XRCC4: variants seen among roughly 807,000 people sequenced by gnomAD.
The protein encoded by XRCC4 is X-ray repair cross complementing 4.
In XRCC4, 28 loss-of-function variants were observed where a neutral mutation model predicts 39.1. That is an observed-to-expected ratio of 0.72 (90% CI 0.53 to 0.98). The LOEUF (loss-of-function observed/expected upper bound fraction) is 0.98. Ranked by LOEUF, XRCC4 falls within the 50% of genes least tolerant of loss-of-function variation. The pLI is 0.00. For missense variants in XRCC4, 350 were observed against 376.4 expected (o/e 0.93, Z 0.58); for synonymous variants, 123 against 126.4 (o/e 0.97, Z 0.18).
At chr5:83,158,578 A>G (rs1749064426) in intron 3 of XRCC4, among the ~76,000 whole-genome samples, 1 of 152,108 alleles carries the variant, frequency 6.6e-6, no homozygotes, top group Admixed American at 6.6e-5. Flanking sequence ...ACAAAAGAGG[A>G]AAGTGAGGAG....
At chr5:83,132,660 C>T (rs1747659585) in intron 3 of XRCC4, among the ~76,000 whole-genome samples, 1 of 152,026 alleles carries the variant, frequency 6.6e-6, no homozygotes. Context: ...CCCTTTCTTC[C>T]ACTTGATTGA....
At chr5:83,363,274 G>T in the XRCC4 span, among the ~76,000 whole-genome samples, 1 of 152,186 alleles carries the variant, frequency 6.6e-6, no homozygotes, top group Non-Finnish European at 1.5e-5. Flanking sequence ...CAGAGGAAGA[G>T]AGTGTGGCCT....
chr5:83,214,848 AT>A (rs56187619), intron 6 of XRCC4, among the ~76,000 whole-genome samples: 62,435 of 133,918 alleles, frequency 0.47, 14,056 homozygotes, highest in East Asian at 0.6. Flanking sequence ...AAAAAAAAAA[AT>A]AATAATAATA....
chr5:83,249,328 A>G (rs527709483), intron 6 of XRCC4, among the ~76,000 whole-genome samples: 75 of 152,116 alleles, frequency 4.9e-4, no homozygotes, highest in Admixed American at 1.3e-4. Flanking sequence ...GTGTTGCCTA[A>G]TCCCATTCGG....
rs1438817507 is a variant in XRCC4 at position 83,349,786 on chromosome 5, A to G, written c.894-3345A>G. On this transcript the variant is annotated intron_variant, in intron 7 of 7. Coordinates refer to ENST00000396027, the MANE Select transcript of XRCC4 (RefSeq NM_003401.5). The stretch of plus-strand genomic sequence containing the variant: ...TATGATTTCAGCTTTTATTTTAGAT[A>G]CAGGGGGTACATGTGCGGGTTTGTT... Among the ~76,000 whole-genome samples the G allele has an allele frequency of 7.9e-5, 12 of 152,242 alleles. No homozygotes were observed. In the South Asian group the frequency reaches 1.9e-3, roughly 24 times the overall value.
chr5:83,337,634 T>C (rs545577778), intron 7 of XRCC4, among the ~76,000 whole-genome samples: 4 of 152,272 alleles, frequency 2.6e-5, no homozygotes, highest in African/African-American at 9.6e-5. Flanking sequence ...TGTTCTCAGC[T>C]AAGACACTAA....
intron 3 of XRCC4, among the ~76,000 whole-genome samples, chr5:83,195,133 A>G (rs148773942): frequency 2.2e-3 from 342 of 152,228 alleles, no homozygotes; most frequent in African/African-American, 7.7e-3. Context: ...TACTAAAACT[A>G]TTTGAGTATT....
At chr5:83,318,320 C>T (rs1261925681) in intron 7 of XRCC4, among the ~76,000 whole-genome samples, 1 of 131,052 alleles carries the variant, frequency 7.6e-6, no homozygotes, top group Non-Finnish European at 1.5e-5. Context: ...TCTCTCACCA[C>T]TCCTATTCAA....
In XRCC4 at chr5:83,179,703, A is replaced by G. The variant is rs182580170; in HGVS notation, c.316-16067A>G. The stretch of plus-strand genomic sequence containing the variant: ...GAGAACTGGATAGGCTCAACCCATC[A>G]TAAATTGTTTCTTCTACAGTCAGAT... On this transcript the variant is annotated intron_variant, in intron 3 of 7. Coordinates refer to ENST00000396027, the MANE Select transcript of XRCC4 (RefSeq NM_003401.5). Among the ~76,000 whole-genome samples, 72 of 152,280 alleles carry G rather than the reference A, an allele frequency of 4.7e-4. No individual in the cohort carries two copies. In the East Asian group the frequency reaches 0.013, roughly 29 times the overall value.
intron 3 of XRCC4, among the ~76,000 whole-genome samples, chr5:83,190,339 G>A (rs927945229): frequency 6.6e-6 from 1 of 151,950 alleles, no homozygotes; most frequent in Non-Finnish European, 1.5e-5. Context: ...ACAATATTCT[G>A]CATTATAAAC....
chr5:83,125,832 A>C (rs1378292754), intron 3 of XRCC4, among the ~76,000 whole-genome samples: 1 of 152,154 alleles, frequency 6.6e-6, no homozygotes, highest in Non-Finnish European at 1.5e-5. Context: ...AATACTAAAA[A>C]ATTAGCCAGG....
chr5:83,208,253 A>G (rs1751494640), intron 6 of XRCC4, among the ~76,000 whole-genome samples: 1 of 152,058 alleles, frequency 6.6e-6, no homozygotes. Context: ...CACAATAGGC[A>G]TACAATCATA....
At position 83,273,498 on chromosome 5, in the gene XRCC4, T is replaced by C. The variant is rs562765832; in HGVS notation, c.893+14821T>C. Reference sequence around the variant, plus strand: ...GTTTTAGTCATGAAGTCTTTGCCTATGTCCTGAATGGTATTGCCTAGGTTT... The same window carrying C: ...GTTTTAGTCATGAAGTCTTTGCCTACGTCCTGAATGGTATTGCCTAGGTTT... On this transcript the variant is annotated intron_variant, in intron 7 of 7. Coordinates refer to ENST00000396027, the MANE Select transcript of XRCC4 (RefSeq NM_003401.5). 2.4e-4 allele frequency among the ~76,000 whole-genome samples: 36 copies of C among 152,346 alleles called. No homozygotes were observed. The East Asian group carries it at 6.7e-3, about 29-fold the overall frequency.
At chr5:83,092,511 A>G (rs1457527455) in intron 1 of XRCC4, among the ~76,000 whole-genome samples, 3 of 152,150 alleles carry the variant, frequency 2.0e-5, no homozygotes, top group African/African-American at 4.8e-5. Flanking sequence ...TAGGATGGTA[A>G]TGGTGGTGTG....
intron 3 of XRCC4, among the ~76,000 whole-genome samples, chr5:83,138,283 T>C (rs1156639269): frequency 1.3e-5 from 2 of 152,176 alleles, no homozygotes; most frequent in Non-Finnish European, 2.9e-5. Context: ...TGAAGTGCAC[T>C]ATAAATAACA....
intron 3 of XRCC4, among the ~76,000 whole-genome samples, chr5:83,131,499 T>C (rs1030972474): frequency 1.3e-5 from 2 of 152,156 alleles, no homozygotes; most frequent in Non-Finnish European, 2.9e-5. Context: ...CACATCCTTA[T>C]TGTGTGGGAA....
intron 7 of XRCC4, among the ~76,000 whole-genome samples, chr5:83,300,721 C>G (rs765593841): frequency 6.6e-6 from 1 of 151,790 alleles, no homozygotes; most frequent in Non-Finnish European, 1.5e-5. Context: ...CTAATGCTAT[C>G]CCTCCTCTTG....
chr5:83,308,156 T>C (rs1465364948), intron 7 of XRCC4, among the ~76,000 whole-genome samples: 4 of 152,218 alleles, frequency 2.6e-5, no homozygotes, highest in Admixed American at 6.5e-5. Context: ...TTAGAAGATA[T>C]CTACAATATT....
chr5:83,160,297 C>T (rs1749144707), intron 3 of XRCC4, among the ~76,000 whole-genome samples: 1 of 152,084 alleles, frequency 6.6e-6, no homozygotes, highest in African/African-American at 2.4e-5. Flanking sequence ...GTCACCTATG[C>T]ATATGAGTGT....
Sources: allele counts gnomAD v4.1 joint callset (sites outside exome capture counted in the v4.1 genomes callset), GRCh38; gene constraint gnomAD v4.1.1; transcripts MANE v1.5; gene names NCBI Gene and HGNC (gene_info 2026-07-23, HGNC 2026-07-21).